The following PCDHGA2 variants were observed in gnomAD, a reference collection of about 807,000 sequenced individuals.
The protein encoded by PCDHGA2 is protocadherin gamma subfamily A, 2.
PCDHGA2 carries 40 observed loss-of-function variants against 59.2 expected under a neutral mutation model. The ratio of observed to expected loss-of-function variants is 0.68; its 90% CI spans 0.52 to 0.88. PCDHGA2 has a LOEUF of 0.88. Among genes scored for constraint, PCDHGA2 ranks in the 40% least tolerant of loss-of-function variants. The probability of loss-of-function intolerance (pLI) is 0.00; values close to 1 mark genes in which losing one functional copy is unlikely to be tolerated. For missense variants in PCDHGA2, 1,226 were observed against 1,204.0 expected, an observed-to-expected ratio of 1.02 and a Z score of -0.27; for synonymous variants, 560 against 526.0, an observed-to-expected ratio of 1.06 and a Z score of -0.89.
rs188916402 is a variant in PCDHGA2, at chr5:141,473,975, G to A, written c.2425-20832G>A. 4.6e-5 allele frequency among the ~76,000 whole-genome samples: 7 copies of A among 152,222 alleles called. No homozygotes were observed. The East Asian group carries it at 7.7e-4, about 17-fold the overall frequency. ...TCCCATCTACTTAGAAGTCTGAGGCGGGAGGATCCCTTGAGCCCAAGGAGC... is the reference window on the plus strand; with the variant it reads ...TCCCATCTACTTAGAAGTCTGAGGCAGGAGGATCCCTTGAGCCCAAGGAGC... On this transcript the variant is annotated intron_variant, in intron 1 of 3. Transcript: ENST00000394576.
In PCDHGA2 at chr5:141,371,791, C is replaced by G. The variant is rs758674133; in HGVS notation, c.2424+30396C>G. The stretch of plus-strand genomic sequence containing the variant: ...ACCGTGCATGTAGCTGAGAACAATC[C>G]GCCTGGAGCCTCCATTGCGCATGTC... On this transcript the variant is annotated intron_variant, in intron 1 of 3. Transcript: ENST00000394576. 6.2e-7 allele frequency: 1 copy of G among 1,613,938 alleles called. No homozygotes were observed. Among genetic ancestry groups the G allele is most frequent in the East Asian group, 2.2e-5 (1 of 44,884 alleles).
chr5:141,359,161 A>T (rs1761134952), intron 1 of PCDHGA2, among the ~76,000 whole-genome samples: 1 of 152,204 alleles, frequency 6.6e-6, no homozygotes. Flanking sequence ...TGATGCAGTT[A>T]CCTGGCTTGG....
intron 1 of PCDHGA2, among the ~76,000 whole-genome samples, chr5:141,453,779 C>T (rs138335951): frequency 0.013 from 2,000 of 152,278 alleles, 24 homozygotes; most frequent in Non-Finnish European, 0.021. Flanking sequence ...ATTTTAGTTA[C>T]CATGGTATAT....
At chr5:141,379,009 A>T (rs1310996873) in intron 1 of PCDHGA2, 1 of 152,210 alleles carries the variant, frequency 6.6e-6, no homozygotes, top group Non-Finnish European at 1.5e-5. Flanking sequence ...ATTTTTCTCC[A>T]GTCATGAGTT....
At position 141,489,084 on chromosome 5, in the gene PCDHGA2, C is replaced by CCGG; in HGVS notation, c.2425-5723_2425-5722insCGG. ...CTCCCCCCTGCCCACCCCCGCCACT[C>CCGG]GGTGACTAAGAACTGCTGCAAGCAG... On this transcript the variant is annotated intron_variant, in intron 1 of 3. Coordinates refer to ENST00000394576, the MANE Select transcript of PCDHGA2 (RefSeq NM_018915.4). This position sits in a 1 kb window ranked among gnomAD's most constrained non-coding sequence, Gnocchi z 4.5. The CCGG allele has an allele frequency of 3.0e-6, 1 of 329,134 alleles. No homozygotes were observed. The highest frequency in any genetic ancestry group is 2.5e-5 in the African/African-American group (1 of 40,384). 20.4% of individuals were successfully genotyped at this position (329,134 alleles called of 1,614,324 possible). A position where few individuals can be genotyped will look rare whatever the true frequency, so the allele number is the denominator to read the frequency against.
chr5:141,505,711 A>C (rs372711957), intron 3 of PCDHGA2, among the ~76,000 whole-genome samples: 17 of 152,058 alleles, frequency 1.1e-4, no homozygotes, highest in Admixed American at 2.6e-4. Context: ...CAAGGAAAAG[A>C]CTCATGGAGG....
At chr5:141,350,359 C>T (rs978022862) in intron 1 of PCDHGA2, 1 of 1,570,278 alleles carries the variant, frequency 6.4e-7, no homozygotes, top group Non-Finnish European at 8.6e-7. Flanking sequence ...AGATCCGATA[C>T]ACGATTCCAG....
chr5:141,391,238 T>A (rs1388439892), intron 1 of PCDHGA2: 1 of 152,120 alleles, frequency 6.6e-6, no homozygotes, highest in Non-Finnish European at 1.5e-5. Flanking sequence ...TTGCTAGGTA[T>A]ATCTAAGCAA....
Position 141,450,757 on chromosome 5 carries a change from G to A in PCDHGA2, c.2425-44050G>A, listed in dbSNP as rs575351311. Among the ~76,000 whole-genome samples, 5 of 151,964 alleles carry A rather than the reference G, an allele frequency of 3.3e-5. No individual in the cohort carries two copies. In the East Asian group the frequency reaches 9.7e-4, roughly 29 times the overall value. ...CCGCCTTGGCCTCCCAAAGTGCCGG[G>A]ATTACAGGCATGAGCCACCGTGCCC... On this transcript the variant is annotated intron_variant, in intron 1 of 3. Coordinates refer to ENST00000394576, the MANE Select transcript of PCDHGA2 (RefSeq NM_018915.4).
At chr5:141,420,240 C>G (rs752339982) in intron 1 of PCDHGA2, 3 of 1,593,140 alleles carry the variant, frequency 1.9e-6, no homozygotes, top group Non-Finnish European at 2.6e-6. Context: ...ATTTTAACTC[C>G]CAGCGTTGAA....
At position 141,491,872 on chromosome 5, in the gene PCDHGA2, G is replaced by A; in HGVS notation, c.2425-2935G>A. On this transcript the variant is annotated intron_variant, in intron 1 of 3. Transcript: ENST00000394576. The surrounding 1 kb of genome is among the most constrained non-coding windows in gnomAD (Gnocchi z 6.9). ...CCGTTTGCGCGAAACCAGAGTGGCCGATTAAGGGATGGGGCTCCGAGCACC... is the reference window on the plus strand; with the variant it reads ...CCGTTTGCGCGAAACCAGAGTGGCCAATTAAGGGATGGGGCTCCGAGCACC... 6.9e-7 allele frequency: 1 copy of A among 1,452,190 alleles called. No individual in the cohort carries two copies. The highest frequency in any genetic ancestry group is 9.1e-7 in the Non-Finnish European group (1 of 1,098,644). The allele number at this position is 1,452,190 out of a possible 1,614,324, so 90.0% of individuals were successfully genotyped here.
Position 141,468,837 on chromosome 5 carries a change from G to A in PCDHGA2, c.2425-25970G>A, listed in dbSNP as rs550455857. ...GCCAAGATCAAGCCACTGCACTCCA[G>A]CCTGGGCAACAGAGCGAGACTCCAT... On this transcript the variant is annotated intron_variant, in intron 1 of 3. Transcript: ENST00000394576. 3.3e-5 allele frequency among the ~76,000 whole-genome samples: 5 copies of A among 152,228 alleles called. No homozygotes were observed. The East Asian group carries it at 9.7e-4, about 29-fold the overall frequency.
intron 1 of PCDHGA2, chr5:141,374,638 A>C (rs931155259): frequency 4.3e-6 from 7 of 1,612,946 alleles, no homozygotes; most frequent in Admixed American, 1.7e-5. Context: ...TGCAAAGCGA[A>C]GCCCATGGGC....
Position 141,485,813 on chromosome 5 carries a change from G to A in PCDHGA2, c.2425-8994G>A. The A allele has an allele frequency of 1.9e-6, 3 of 1,614,078 alleles. No individual in the cohort carries two copies. Among genetic ancestry groups the A allele is most frequent in the Non-Finnish European group, 2.5e-6 (3 of 1,180,008 alleles). On this transcript the variant is annotated intron_variant, in intron 1 of 3. Coordinates refer to ENST00000394576, the MANE Select transcript of PCDHGA2 (RefSeq NM_018915.4). This position sits in a 1 kb window ranked among gnomAD's most constrained non-coding sequence, Gnocchi z 5.7. ...ATCGGACTACCGCCTGGTGCTGACT[G>A]CTGTCGATGGAGGGAACCCGCCGAG... is the stretch of plus-strand genomic sequence containing the variant.
At chr5:141,343,528 CTG>C (rs1757295207) in intron 1 of PCDHGA2, among the ~76,000 whole-genome samples, 1 of 152,184 alleles carries the variant, frequency 6.6e-6, no homozygotes, top group South Asian at 2.1e-4. Context: ...TTCTTTGTTA[CTG>C]TGTGTTTCTT....
At chr5:141,462,786 T>G (rs1394476968) in intron 1 of PCDHGA2, among the ~76,000 whole-genome samples, 1 of 152,216 alleles carries the variant, frequency 6.6e-6, no homozygotes, top group Admixed American at 6.5e-5. Flanking sequence ...AATTTGTTGC[T>G]TATTTGCATG....
chr5:141,345,248 G>A (rs769104650), intron 1 of PCDHGA2: 2 of 1,613,948 alleles, frequency 1.2e-6, no homozygotes, highest in Non-Finnish European at 8.5e-7. Flanking sequence ...ACCGCTTAGT[G>A]ACGGCCACAT....
intron 1 of PCDHGA2, chr5:141,362,210 T>C (rs1343767561): frequency 1.2e-6 from 2 of 1,613,942 alleles, no homozygotes; most frequent in Non-Finnish European, 1.7e-6. Context: ...CAGTTTTACC[T>C]GGTTGTGGCC....
chr5:141,485,586 TG>T lies in PCDHGA2; in HGVS notation c.2425-9219del. The T allele has an allele frequency of 6.2e-7, 1 of 1,612,402 alleles. No homozygotes were observed. Among genetic ancestry groups the T allele is most frequent in the Non-Finnish European group, 8.5e-7 (1 of 1,178,600 alleles). Reference sequence around the variant, plus strand: ...GCCCCCCGTTTTCCGCGGCAGCAGCTGGACTTGGAAATTGGGGAGGCAGCTC... The same window carrying T: ...GCCCCCCGTTTTCCGCGGCAGCAGCTGACTTGGAAATTGGGGAGGCAGCTC... On this transcript the variant is annotated intron_variant, in intron 1 of 3. Coordinates refer to ENST00000394576, the MANE Select transcript of PCDHGA2 (RefSeq NM_018915.4). The surrounding 1 kb of genome is among the most constrained non-coding windows in gnomAD (Gnocchi z 5.7).
Sources: allele counts gnomAD v4.1 joint callset (sites outside exome capture counted in the v4.1 genomes callset), GRCh38; gene constraint gnomAD v4.1.1; non-coding constraint Gnocchi (gnomAD v3.1); transcripts MANE v1.5; gene names NCBI Gene and HGNC (gene_info 2026-07-23, HGNC 2026-07-21).